TRAPPC9: variants seen among roughly 807,000 people sequenced by gnomAD.
The protein encoded by TRAPPC9 is trafficking protein particle complex subunit 9.
TRAPPC9 carries 83 observed loss-of-function variants against 124.0 expected under a neutral mutation model. The ratio of observed to expected loss-of-function variants is 0.67; its 90% CI spans 0.56 to 0.80. The LOEUF (loss-of-function observed/expected upper bound fraction) is 0.80, where lower values mean the gene tolerates loss of function less well. Ranked by LOEUF, TRAPPC9 falls within the 30% of genes least tolerant of loss-of-function variation. The pLI, the probability that TRAPPC9 is intolerant of heterozygous loss-of-function variation, is 0.00. For synonymous variants in TRAPPC9, 638 were observed against 617.5 expected (o/e 1.03, Z -0.49); for missense variants, 1,302 against 1,508.3 (o/e 0.86, Z 2.27).
At chr8:140,139,334 C>T (rs2061348986) in intron 17 of TRAPPC9, among the ~76,000 whole-genome samples, 2 of 152,010 alleles carry the variant, frequency 1.3e-5, no homozygotes, top group Admixed American at 6.6e-5. Context: ...GGTCCTCCTC[C>T]CACCTTGTAT....
chr8:140,334,587 T>C (rs62529432), intron 9 of TRAPPC9, among the ~76,000 whole-genome samples: 12,389 of 151,700 alleles, frequency 0.082, 616 homozygotes, highest in African/African-American at 0.13. Context: ...GAGGTGGAGG[T>C]TGCAGTGAGC....
intron 20 of TRAPPC9, among the ~76,000 whole-genome samples, chr8:139,903,963 T>G (rs948883103): frequency 6.6e-6 from 1 of 152,144 alleles, no homozygotes; most frequent in African/African-American, 2.4e-5. Context: ...TGAACCTCTC[T>G]GCAACCATTG....
chr8:139,995,793 G>A (rs1837925411), intron 18 of TRAPPC9, among the ~76,000 whole-genome samples: 1 of 146,926 alleles, frequency 6.8e-6, no homozygotes, highest in Non-Finnish European at 1.5e-5. Context: ...ACATGCGGCT[G>A]ATCCAAGAAG....
chr8:139,938,186 G>A lies in TRAPPC9; in HGVS notation c.2811-27886C>T, dbSNP rs184446791. The stretch of plus-strand genomic sequence containing the variant: ...CCCATGGCTTCCTGGCAGGTCTTTG[G>A]GAACCTGACAAAGCTGCCCCACCTG... On this transcript the variant is annotated intron_variant, in intron 19 of 22. Coordinates refer to ENST00000438773, the MANE Select transcript of TRAPPC9 (RefSeq NM_001160372.4). Among the ~76,000 whole-genome samples the A allele has an allele frequency of 2.0e-5, 3 of 152,310 alleles. No individual in the cohort carries two copies. The East Asian group carries it at 5.8e-4, about 29-fold the overall frequency.
At chr8:139,957,317 C>T (rs1413892046) in intron 19 of TRAPPC9, among the ~76,000 whole-genome samples, 1 of 152,192 alleles carries the variant, frequency 6.6e-6, no homozygotes, top group Non-Finnish European at 1.5e-5. Context: ...GGACGGGGCA[C>T]GCTAGGGTGG....
In TRAPPC9 at chr8:139,989,478, C is replaced by G. The variant is rs113737416; in HGVS notation, c.2700-642G>C. On this transcript the variant is annotated intron_variant, in intron 18 of 22. Coordinates refer to ENST00000438773, the MANE Select transcript of TRAPPC9 (RefSeq NM_001160372.4). The stretch of plus-strand genomic sequence containing the variant: ...AAGTTCCCATTGTTCCTTGCAAGGG[C>G]TGGTCCATGTGATGAAGTTCTAGCC... Among the ~76,000 whole-genome samples, 16 of 152,350 alleles carry G rather than the reference C, an allele frequency of 1.1e-4. 1 individual carries two copies. The highest frequency in any genetic ancestry group is 3.8e-4 in the African/African-American group (16 of 41,586).
intron 21 of TRAPPC9, among the ~76,000 whole-genome samples, chr8:139,819,239 T>C (rs936769442): frequency 1.3e-5 from 2 of 152,146 alleles, no homozygotes; most frequent in African/African-American, 4.8e-5. Context: ...CTGTCTCCCA[T>C]CATCCCCAGA....
chr8:140,120,670 C>T (rs1011108107), intron 17 of TRAPPC9, among the ~76,000 whole-genome samples: 13 of 151,324 alleles, frequency 8.6e-5, no homozygotes, highest in Non-Finnish European at 7.4e-5. Context: ...ATCCACCCAT[C>T]CATCCAACAT....
intron 20 of TRAPPC9, among the ~76,000 whole-genome samples, chr8:139,894,430 A>T (rs1205495397): frequency 6.6e-6 from 1 of 151,856 alleles, no homozygotes; most frequent in Non-Finnish European, 1.5e-5. Flanking sequence ...CCAAGCCCCC[A>T]CCTCACCAGT....
At chr8:140,103,991 T>A (rs1018497517) in intron 17 of TRAPPC9, among the ~76,000 whole-genome samples, 1 of 152,218 alleles carries the variant, frequency 6.6e-6, no homozygotes, top group East Asian at 1.9e-4. Context: ...AATGAAGATA[T>A]CTGAATAATT....
At chr8:140,169,768 A>G (rs1438368266) in intron 17 of TRAPPC9, among the ~76,000 whole-genome samples, 2 of 151,956 alleles carry the variant, frequency 1.3e-5, no homozygotes, top group Non-Finnish European at 2.9e-5. Flanking sequence ...CGGGAGGAGG[A>G]GGATCGGCTG....
Position 140,359,584 on chromosome 8 carries a change from C to T in TRAPPC9, c.1495+466G>A, listed in dbSNP as rs146261086. Among the ~76,000 whole-genome samples the T allele has an allele frequency of 2.5e-3, 386 of 152,180 alleles. 3 individuals carry two copies. Among genetic ancestry groups the T allele is most frequent in the Admixed American group, 5.6e-3 (86 of 15,290 alleles). On this transcript the variant is annotated intron_variant, in intron 9 of 22. Transcript: ENST00000438773. ...AGTTACCCAGTGACTCGAAGGGGCA[C>T]GAGGGGCCCTGGGTTCTGTTCCTGC...
At chr8:140,264,450 T>C (rs1331124098) in intron 15 of TRAPPC9, among the ~76,000 whole-genome samples, 1 of 152,140 alleles carries the variant, frequency 6.6e-6, no homozygotes, top group East Asian at 1.9e-4. Context: ...GGATTTGCTA[T>C]GGTTTTAATG....
chr8:139,758,500 G>A (rs529551069), intron 21 of TRAPPC9, among the ~76,000 whole-genome samples: 2 of 152,344 alleles, frequency 1.3e-5, no homozygotes, highest in South Asian at 4.1e-4. Context: ...GAGGCCTGGT[G>A]CCCTTCTGCC....
intron 21 of TRAPPC9, among the ~76,000 whole-genome samples, chr8:139,808,883 T>G (rs777207739): frequency 4.6e-5 from 7 of 152,216 alleles, no homozygotes; most frequent in Non-Finnish European, 8.8e-5. Context: ...CAAAAACACT[T>G]GAGCTGGCTA....
chr8:140,112,198 T>C (rs760986630), intron 17 of TRAPPC9, among the ~76,000 whole-genome samples: 2 of 152,068 alleles, frequency 1.3e-5, no homozygotes, highest in South Asian at 4.1e-4. Flanking sequence ...TAATGGAGAA[T>C]TCCAGACGAT....
chr8:140,352,413 T>C (rs571497524), intron 9 of TRAPPC9, among the ~76,000 whole-genome samples: 94 of 152,322 alleles, frequency 6.2e-4, no homozygotes, highest in African/African-American at 2.1e-3. Flanking sequence ...AACCTCAAGG[T>C]CTACCAGCAA....
At chr8:140,342,751 G>A (rs2067229447) in intron 9 of TRAPPC9, among the ~76,000 whole-genome samples, 1 of 152,098 alleles carries the variant, frequency 6.6e-6, no homozygotes, top group South Asian at 2.1e-4. Context: ...ACGCATGTCA[G>A]GAATGAAAAA....
chr8:140,191,841 T>A (rs1290237106), intron 17 of TRAPPC9, among the ~76,000 whole-genome samples: 2 of 152,118 alleles, frequency 1.3e-5, no homozygotes, highest in African/African-American at 4.8e-5. Context: ...TAATACCCCA[T>A]AGCACAGTGG....
Sources: gnomAD v4.1 joint callset for allele counts (sites outside exome capture counted in the v4.1 genomes callset) on GRCh38, gnomAD v4.1.1 for gene constraint, MANE v1.5 for transcripts, NCBI Gene and HGNC (gene_info 2026-07-23, HGNC 2026-07-21) for gene names.